The following MROH2A variants were observed in gnomAD, a reference collection of about 807,000 sequenced individuals.
MROH2A encodes the protein maestro heat-like repeat-containing protein family member 2A.
MROH2A carries 174 observed loss-of-function variants against 200.4 expected under a neutral mutation model. The ratio of observed to expected loss-of-function variants is 0.87; its 90% CI spans 0.77 to 0.98. The LOEUF (loss-of-function observed/expected upper bound fraction) is 0.98. Ranked by LOEUF, MROH2A falls within the 50% of genes least tolerant of loss-of-function variation. The probability of loss-of-function intolerance (pLI) is 0.00; values close to 1 mark genes in which losing one functional copy is unlikely to be tolerated. For synonymous variants in MROH2A, 829 were observed against 840.4 expected, an observed-to-expected ratio of 0.99 and a Z score of 0.23; for missense variants, 2,045 against 2,139.6, an observed-to-expected ratio of 0.96 and a Z score of 0.87.
Position 233,814,601 on chromosome 2 carries a change from T to C in MROH2A, c.2780T>C (p.Leu927Pro), listed in dbSNP as rs1241176908. ...ESIKTLYANA[L>P]SSLEQLMESL... ...CTGTAGACCCTGTATGCAAATGCCC[T>C]GAGCTCCCTGGAGCAGCTGATGGAG... Residue 927 changes from leucine to proline, a missense_variant, in exon 26 of 42, where the codon CTG becomes CCG. By Grantham distance (98) the Leu-to-Pro change is moderately conservative. Transcript: ENST00000389758. The C allele has an allele frequency of 1.3e-6, 2 of 1,550,396 alleles. No homozygotes were observed. Among genetic ancestry groups the C allele is most frequent in the South Asian group, 2.4e-5 (2 of 84,038 alleles).
At chr2:233,832,113 T>C in intron 39 of MROH2A, 64 bp from the exon 40 acceptor site, 1 of 1,353,280 alleles carries the variant, frequency 7.4e-7, no homozygotes, top group Non-Finnish European at 1.0e-6. Flanking sequence ...ACACGCTTGA[T>C]GAATGACAGC....
chr2:233,785,897 A>G (rs951329375), intron 3 of MROH2A, among the ~76,000 whole-genome samples: 2 of 152,102 alleles, frequency 1.3e-5, no homozygotes, highest in Non-Finnish European at 1.5e-5. Flanking sequence ...TTTTCTCACA[A>G]TTCTGGAAGC....
At chr2:233,777,207 G>A (rs1700736051), upstream of MROH2A, among the ~76,000 whole-genome samples, 1 of 152,210 alleles carries the variant, frequency 6.6e-6, no homozygotes, top group Admixed American at 6.5e-5. Context: ...GGCTCTAAAT[G>A]TATCACTTTT....
In MROH2A at chr2:233,778,363, T is replaced by C. The variant is rs1700772896; in HGVS notation, c.-133T>C. ...AAGAAATATGACTGAAGAGCCCAGC[T>C]GTCTCACTTTGATAACCAATTCTTC... On this transcript the variant is annotated 5_prime_UTR_variant, in exon 1 of 42. Transcript: ENST00000389758. The C allele has an allele frequency of 5.9e-6, 1 of 169,304 alleles. No homozygotes were observed. The highest frequency in any genetic ancestry group is 2.0e-4 in the South Asian group (1 of 4,924). The allele number at this position is 169,304 out of a possible 1,614,324, so 10.5% of individuals were successfully genotyped here. A position where few individuals can be genotyped will look rare whatever the true frequency, so the allele number is the denominator to read the frequency against.
At chr2:233,813,595 C>A in intron 24 of MROH2A, 75 bp from the exon 25 acceptor site, 1 of 873,972 alleles carries the variant, frequency 1.1e-6, no homozygotes, top group South Asian at 1.6e-5. Context: ...GTTTCCGTGC[C>A]CAGATTGGGC....
chr2:233,816,868 C>T lies in MROH2A; in HGVS notation c.2944C>T (p.His982Tyr). The T allele has an allele frequency of 2.6e-6, 4 of 1,547,108 alleles. No individual in the cohort carries two copies. The highest frequency in any genetic ancestry group is 3.5e-6 in the Non-Finnish European group (4 of 1,143,944). ...LHLYLMWIYV[H>Y]STAVCIHLKL... ...TCTCTATCTCATGTGGATTTATGTC[C>T]ACAGCACTGCTGTCTGTGTGAGTCC... Residue 982 changes from histidine (H) to tyrosine (Y), a missense_variant, in exon 27 of 42, where the codon CAC (histidine) becomes TAC (tyrosine). Coordinates refer to ENST00000389758, the MANE Select transcript of MROH2A (RefSeq NM_001394639.1).
At chr2:233,792,265 T>G (rs1701814523) in intron 5 of MROH2A, among the ~76,000 whole-genome samples, 1 of 151,552 alleles carries the variant, frequency 6.6e-6, no homozygotes. Flanking sequence ...CTTCTTCCCT[T>G]TCCTCCCCTT....
chr2:233,780,361 A>C (rs1449552667), intron 3 of MROH2A, among the ~76,000 whole-genome samples: 1 of 152,192 alleles, frequency 6.6e-6, no homozygotes, highest in Non-Finnish European at 1.5e-5. Flanking sequence ...CACCACCCCC[A>C]GAGTTTCTGA....
At position 233,806,093 on chromosome 2, in the gene MROH2A, A is replaced by G. The variant is rs572690260; in HGVS notation, c.2052+982A>G. ...GAAAATTAAAACCTCTTGTGCTAAA[A>G]ATAATACAATAGAGAAAGTGAAAAA... On this transcript the variant is annotated intron_variant, in intron 19 of 41. Transcript: ENST00000389758. Among the ~76,000 whole-genome samples the G allele has an allele frequency of 3.3e-3, 500 of 152,324 alleles. 1 individual carries two copies. The highest frequency in any genetic ancestry group is 0.011 in the African/African-American group (475 of 41,574).
chr2:233,789,856 A>C lies in MROH2A; in HGVS notation c.413A>C (p.Glu138Ala), dbSNP rs1035879703. 5 of 1,548,726 alleles carry C rather than the reference A, an allele frequency of 3.2e-6. No homozygotes were observed. The African/African-American group carries it at 5.5e-5, about 17-fold the overall frequency. The change falls in exon 5 of 42, where the codon GAG becomes GCG. Residue 138 changes from glutamate (E) to alanine (A), a missense_variant. Physicochemically the swap from Glu to Ala is moderately radical, Grantham distance 107 (BLOSUM62 -1). Transcript: ENST00000389758. ...TCCCTCTTCTGTCTCCTGCAGATGG[A>C]GGGCTATATGAAGGCAGAGGTGGCC... ...SKEMREIPEM[E>A]GYMKAEVASD...
chr2:233,777,377 C>T (rs28900413), upstream of MROH2A, among the ~76,000 whole-genome samples: 754 of 152,234 alleles, frequency 5.0e-3, 5 homozygotes, highest in African/African-American at 0.017. Context: ...ATCTTTCAAA[C>T]GGAAAAGAAG....
In MROH2A at chr2:233,819,394, C is replaced by T; in HGVS notation, c.3282C>T (p.Asn1094=). The change falls in exon 30 of 42, where the codon AAC becomes AAT. Residue 1094 remains asparagine (N), a synonymous_variant. Coordinates refer to ENST00000389758, the MANE Select transcript of MROH2A (RefSeq NM_001394639.1). ...TCTGCGAGAACACTGGGGCCATGAA[C>T]CTGCAGCATGACAAGGCCTCTGTCA... The part of the protein sequence containing the change: ...QKLCENTGAM[N]LQHDKASVTW... 1.9e-6 allele frequency: 3 copies of T among 1,550,568 alleles called. No individual in the cohort carries two copies. Among genetic ancestry groups the T allele is most frequent in the Non-Finnish European group, 1.7e-6 (2 of 1,146,938 alleles).
At chr2:233,795,333 C>G (rs970535350) in intron 8 of MROH2A, among the ~76,000 whole-genome samples, 6 of 152,130 alleles carry the variant, frequency 3.9e-5, no homozygotes, top group African/African-American at 1.2e-4. Flanking sequence ...AGGGATGTGA[C>G]TGATTTAGGA....
At position 233,807,421 on chromosome 2, in the gene MROH2A, A is replaced by G; in HGVS notation, c.2053-2A>G. 1 of 1,549,960 alleles carries G rather than the reference A, an allele frequency of 6.5e-7. No individual in the cohort carries two copies. Among genetic ancestry groups the G allele is most frequent in the Non-Finnish European group, 8.7e-7 (1 of 1,146,606 alleles). On this transcript the variant is annotated splice_acceptor_variant, in intron 19 of 41. Coordinates refer to ENST00000389758, the MANE Select transcript of MROH2A (RefSeq NM_001394639.1). LOFTEE classifies it high-confidence loss of function. This position sits in a 1 kb window ranked among gnomAD's most constrained non-coding sequence, Gnocchi z 4.3. Reference sequence around the variant, plus strand: ...GCTCCTTCCTCCCTTCTGCCTCTCCAGGGCTTTCTGTACCGGGCCTTGGGC... The same window carrying G: ...GCTCCTTCCTCCCTTCTGCCTCTCCGGGGCTTTCTGTACCGGGCCTTGGGC...
At chr2:233,803,009 G>T (rs903571646) in intron 15 of MROH2A, among the ~76,000 whole-genome samples, 2 of 152,210 alleles carry the variant, frequency 1.3e-5, no homozygotes, top group Non-Finnish European at 2.9e-5. Context: ...GCCTGGCCGT[G>T]CCCTTGTCCA....
chr2:233,788,170 C>T lies in MROH2A; in HGVS notation c.277-1327C>T, dbSNP rs1386144837. Among the ~76,000 whole-genome samples, 356 of 112,650 alleles carry T rather than the reference C, an allele frequency of 3.2e-3. 1 individual carries two copies. The highest frequency in any genetic ancestry group is 4.8e-3 in the Non-Finnish European group (282 of 58,302). The allele number at this position is 112,650 out of a possible 152,430, so 73.9% of individuals were successfully genotyped here. On this transcript the variant is annotated intron_variant, in intron 3 of 41. Coordinates refer to ENST00000389758, the MANE Select transcript of MROH2A (RefSeq NM_001394639.1). ...AATATATATTTTATATATACATATACATATATTATATATATACACACACAT... is the reference window on the plus strand; with the variant it reads ...AATATATATTTTATATATACATATATATATATTATATATATACACACACAT...
Position 233,807,753 on chromosome 2 carries a change from C to T in MROH2A, c.2193C>T (p.Gly731=), listed in dbSNP as rs771300762. 1.3e-6 allele frequency: 2 copies of T among 1,550,700 alleles called. No individual in the cohort carries two copies. Among genetic ancestry groups the T allele is most frequent in the Non-Finnish European group, 1.7e-6 (2 of 1,147,016 alleles). Reference sequence around the variant, plus strand: ...TGCAGGGTGTGATTATGTGCTTTGGCCTGTGTGCCCGGGGCCAGGTAAAAA... The same window carrying T: ...TGCAGGGTGTGATTATGTGCTTTGGTCTGTGTGCCCGGGGCCAGGTAAAAA... ...FDSEGVIMCF[G]LCARGQVKTV... is the part of the protein sequence containing the mutation. The change falls in exon 21 of 42, where the codon GGC becomes GGT. Residue 731 remains glycine (G), a synonymous_variant. Coordinates refer to ENST00000389758, the MANE Select transcript of MROH2A (RefSeq NM_001394639.1). The surrounding 1 kb of genome is among the most constrained non-coding windows in gnomAD (Gnocchi z 4.3).
rs998261561 is a variant in MROH2A, at chr2:233,828,498, C to T, written c.4114-132C>T. The T allele has an allele frequency of 5.4e-6, 6 of 1,112,480 alleles. No homozygotes were observed. Among genetic ancestry groups the T allele is most frequent in the South Asian group, 1.7e-5 (1 of 60,390 alleles). 68.9% of individuals were successfully genotyped at this position (1,112,480 alleles called of 1,614,324 possible). A position where few individuals can be genotyped will look rare whatever the true frequency, so the allele number is the denominator to read the frequency against. On this transcript the variant is annotated intron_variant, in intron 35 of 41. Coordinates refer to ENST00000389758, the MANE Select transcript of MROH2A (RefSeq NM_001394639.1). This position sits in a 1 kb window ranked among gnomAD's most constrained non-coding sequence, Gnocchi z 4.6. ...TCACCCGCTTTTTATAGAGAGGAAA[C>T]GGAGGCTCTCAGAGCCCCTCCCCTC...
At chr2:233,789,747 T>C (rs1575914378) in intron 4 of MROH2A, 105 bp from the exon 5 acceptor site, 1 of 1,476,024 alleles carries the variant, frequency 6.8e-7, no homozygotes, top group East Asian at 2.5e-5. Context: ...GGGGTAAGGC[T>C]GAGCCCAAGG....
Sources: allele counts gnomAD v4.1 joint callset (sites outside exome capture counted in the v4.1 genomes callset), GRCh38; gene constraint gnomAD v4.1.1; non-coding constraint Gnocchi (gnomAD v3.1); transcripts MANE v1.5; gene names NCBI Gene and HGNC (gene_info 2026-07-23, HGNC 2026-07-21).